Variants in FNIP1 observed in about 807,000 individuals in gnomAD.
FNIP1 encodes the protein folliculin-interacting protein 1.
In FNIP1, 40 loss-of-function variants were observed where a neutral mutation model predicts 124.5. The observed-to-expected ratio is 0.32, with a 90% confidence interval of 0.25 to 0.42. The LOEUF is 0.42. Ranked by LOEUF, FNIP1 falls within the 10% of genes least tolerant of loss-of-function variation. The pLI, the probability that FNIP1 is intolerant of heterozygous loss-of-function variation, is 1.00. For missense variants in FNIP1, 1,176 were observed against 1,403.7 expected (o/e 0.84, Z 2.59); for synonymous variants, 472 against 470.6 (o/e 1.00, Z -0.04).
chr5:131,702,006 A>C (rs748873898), intron 10 of FNIP1, among the ~76,000 whole-genome samples: 2 of 152,154 alleles, frequency 1.3e-5, no homozygotes, highest in Non-Finnish European at 2.9e-5. Context: ...ACTTCTGGGA[A>C]TCTCCTCTAA....
At chr5:131,736,989 T>A (rs1187918094) in intron 2 of FNIP1, among the ~76,000 whole-genome samples, 1 of 152,222 alleles carries the variant, frequency 6.6e-6, no homozygotes. Flanking sequence ...TTAATAAAAA[T>A]TATAACCTAG....
At chr5:131,743,676 T>C (rs1561685430) in intron 2 of FNIP1, among the ~76,000 whole-genome samples, 1 of 152,146 alleles carries the variant, frequency 6.6e-6, no homozygotes, top group East Asian at 1.9e-4. Context: ...GAAGTCCTCA[T>C]GAATGGGGTT....
chr5:131,750,086 G>A (rs1388935472), intron 1 of FNIP1, among the ~76,000 whole-genome samples: 1 of 152,160 alleles, frequency 6.6e-6, no homozygotes, highest in African/African-American at 2.4e-5. Flanking sequence ...ACAGTTAGGT[G>A]ATTTTCTCCA....
intron 1 of FNIP1, among the ~76,000 whole-genome samples, chr5:131,768,520 A>G (rs1416292891): frequency 6.6e-6 from 1 of 152,008 alleles, no homozygotes; most frequent in Non-Finnish European, 1.5e-5. Flanking sequence ...TATTTAAAAT[A>G]AAAAAACAGG....
At chr5:131,782,303 C>A (rs749483637) in intron 1 of FNIP1, among the ~76,000 whole-genome samples, 62 of 152,082 alleles carry the variant, frequency 4.1e-4, no homozygotes, top group Non-Finnish European at 6.3e-4. Flanking sequence ...AATCCCAGCA[C>A]CTTGGGAGGC....
At chr5:131,742,262 G>A (rs1027670802) in intron 2 of FNIP1, among the ~76,000 whole-genome samples, 1 of 152,140 alleles carries the variant, frequency 6.6e-6, no homozygotes, top group African/African-American at 2.4e-5. Flanking sequence ...CCAGAAGTTC[G>A]AGACCAGTCT....
At chr5:131,758,039 A>G (rs540963879) in intron 1 of FNIP1, among the ~76,000 whole-genome samples, 1 of 152,336 alleles carries the variant, frequency 6.6e-6, no homozygotes, top group South Asian at 2.1e-4. Context: ...CTTATAATAG[A>G]AAGAAGTTGT....
In FNIP1 at chr5:131,746,038, T is replaced by G. The variant is rs541332101; in HGVS notation, c.93-1348A>C. Among the ~76,000 whole-genome samples, 22 of 152,334 alleles carry G rather than the reference T, an allele frequency of 1.4e-4. No homozygotes were observed. In the South Asian group the frequency reaches 3.3e-3, roughly 23 times the overall value. On this transcript the variant is annotated intron_variant, in intron 1 of 17. Coordinates refer to ENST00000510461, the MANE Select transcript of FNIP1 (RefSeq NM_133372.3). ...TGACATGGATCTTTACTTTACAGTA[T>G]GTATTTAAACAGTACATCACATTTG...
chr5:131,756,830 A>G (rs1439839142), intron 1 of FNIP1, among the ~76,000 whole-genome samples: 1 of 152,208 alleles, frequency 6.6e-6, no homozygotes, highest in Non-Finnish European at 1.5e-5. Context: ...ATCAAAGAAA[A>G]TGGGGAAAGG....
chr5:131,720,341 A>T (rs1769617326), intron 3 of FNIP1, among the ~76,000 whole-genome samples: 1 of 152,220 alleles, frequency 6.6e-6, no homozygotes, highest in African/African-American at 2.4e-5. Context: ...CACAAAAATC[A>T]ACTGAATATA....
rs1485211883 is a variant in FNIP1, at chr5:131,715,271, C to CG, written c.622+1293dup. ...GAGGCTGAGGTGGGTGGATCACCTG[C>CG]GGTCAGGAGTTCGAGAACAGCCTGG... On this transcript the variant is annotated intron_variant, in intron 6 of 17. Transcript: ENST00000510461. Among the ~76,000 whole-genome samples, 17 of 152,174 alleles carry CG rather than the reference C, an allele frequency of 1.1e-4. 1 individual carries two copies. The South Asian group carries it at 3.5e-3, about 32-fold the overall frequency.
Position 131,672,367 on chromosome 5 carries a change from C to T in FNIP1, c.2077G>A (p.Ala693Thr). 2.5e-6 allele frequency: 4 copies of T among 1,614,194 alleles called. No homozygotes were observed. Among genetic ancestry groups the T allele is most frequent in the Non-Finnish European group, 3.4e-6 (4 of 1,180,036 alleles). ...CTGSVPVDKC[A>T]LSESGLESTE... The stretch of plus-strand genomic sequence containing the variant: ...GACTCTAAGCCTGACTCTGACAATG[C>T]ACATTTGTCTACTGGAACAGATCCT... Residue 693 changes from alanine to threonine, a missense_variant, in exon 14 of 18, where the codon GCA becomes ACA. By Grantham distance (58) the Ala-to-Thr change is moderately conservative. Transcript: ENST00000510461.
At chr5:131,746,264 A>G (rs1770674600) in intron 1 of FNIP1, among the ~76,000 whole-genome samples, 1 of 152,104 alleles carries the variant, frequency 6.6e-6, no homozygotes, top group African/African-American at 2.4e-5. Context: ...ACAACAGGCT[A>G]TTTATTTTTT....
chr5:131,699,655 G>A (rs1012955706), intron 10 of FNIP1, among the ~76,000 whole-genome samples: 3 of 151,574 alleles, frequency 2.0e-5, no homozygotes, highest in African/African-American at 7.3e-5. Context: ...GCCTCCCAAA[G>A]TGCTGGGGTT....
intron 11 of FNIP1, among the ~76,000 whole-genome samples, chr5:131,682,673 C>T (rs866961459): frequency 5.9e-5 from 9 of 151,488 alleles, no homozygotes; most frequent in South Asian, 2.1e-4. Context: ...GCTGAGATTG[C>T]ACCACTTCAT....
At chr5:131,675,443 G>A (rs1767882236) in intron 13 of FNIP1, among the ~76,000 whole-genome samples, 1 of 152,206 alleles carries the variant, frequency 6.6e-6, no homozygotes, top group African/African-American at 2.4e-5. Context: ...ACAAATGATT[G>A]TAGAATTAAA....
chr5:131,775,988 C>G (rs1771789847), intron 1 of FNIP1, among the ~76,000 whole-genome samples: 1 of 152,210 alleles, frequency 6.6e-6, no homozygotes, highest in African/African-American at 2.4e-5. Flanking sequence ...TACTATAGCA[C>G]TTCACACATT....
At chr5:131,779,687 CAA>C (rs760567468) in intron 1 of FNIP1, among the ~76,000 whole-genome samples, 16 of 59,554 alleles carry the variant, frequency 2.7e-4, no homozygotes, top group Non-Finnish European at 3.8e-4. Flanking sequence ...GATTCTGTTT[CAA>C]AAAAAAAAAA....
Position 131,706,507 on chromosome 5 carries a change from G to A in FNIP1, c.818C>T (p.Pro273Leu). 1 of 1,613,380 alleles carries A rather than the reference G, an allele frequency of 6.2e-7. No homozygotes were observed. Among genetic ancestry groups the A allele is most frequent in the Non-Finnish European group, 8.5e-7 (1 of 1,179,532 alleles). The change falls in exon 9 of 18, where the codon CCA (proline) becomes CTA (leucine). Residue 273 changes from proline to leucine, a missense_variant. By Grantham distance (98) the Pro-to-Leu change is moderately conservative. Coordinates refer to ENST00000510461, the MANE Select transcript of FNIP1 (RefSeq NM_133372.3). ...ACAACTTCGGGTAAGTGAGGAGTTTGGGGAAGGAAATGGAGTGATCAGCAA... is the reference window on the plus strand; with the variant it reads ...ACAACTTCGGGTAAGTGAGGAGTTTAGGGAAGGAAATGGAGTGATCAGCAA... ...SSLLITPFPS[P>L]NSSLTRSCAS...
Sources: allele counts gnomAD v4.1 joint callset (sites outside exome capture counted in the v4.1 genomes callset), GRCh38; gene constraint gnomAD v4.1.1; transcripts MANE v1.5; gene names NCBI Gene and HGNC (gene_info 2026-07-23, HGNC 2026-07-21).